The following CSMD1 variants were observed in gnomAD, a reference collection of about 807,000 sequenced individuals.
The protein encoded by CSMD1 is CUB and sushi domain-containing protein 1.
Under a neutral mutation model 417.5 loss-of-function variants are expected in CSMD1, and 213 were observed. The ratio of observed to expected loss-of-function variants is 0.51; its 90% CI spans 0.46 to 0.57. The LOEUF (loss-of-function observed/expected upper bound fraction) is 0.57. Among genes scored for constraint, CSMD1 ranks in the 20% least tolerant of loss-of-function variants. The pLI, the probability that CSMD1 is intolerant of heterozygous loss-of-function variation, is 0.00. For synonymous variants in CSMD1, 2,862 were observed against 1,736.8 expected (o/e 1.65, Z -16.11); for missense variants, 6,923 against 4,529.7 (o/e 1.53, Z -15.17).
chr8:3,797,436 T>C (rs1275649632), intron 5 of CSMD1, among the ~76,000 whole-genome samples: 1 of 151,976 alleles, frequency 6.6e-6, no homozygotes, highest in Admixed American at 6.6e-5. Flanking sequence ...TCAGTTTCCA[T>C]CCCTTCCCTC....
chr8:3,076,847 T>C (rs2129001307), intron 49 of CSMD1, among the ~76,000 whole-genome samples: 1 of 152,284 alleles, frequency 6.6e-6, no homozygotes, highest in Middle Eastern at 3.4e-3. Context: ...TGTTGTCTCA[T>C]ATGGGTATAT....
chr8:4,678,159 C>A (rs1010813731), intron 1 of CSMD1, among the ~76,000 whole-genome samples: 2 of 152,004 alleles, frequency 1.3e-5, no homozygotes, highest in Non-Finnish European at 2.9e-5. Flanking sequence ...TTCTGTAATC[C>A]CAGTGCTTTA....
At chr8:4,006,343 A>C (rs1303258644) in intron 4 of CSMD1, among the ~76,000 whole-genome samples, 1 of 152,224 alleles carries the variant, frequency 6.6e-6, no homozygotes. Flanking sequence ...CAGCAGTTTG[A>C]GGCCAGCCTG....
chr8:3,604,015 T>C, intron 8 of CSMD1, among the ~76,000 whole-genome samples: 1 of 152,232 alleles, frequency 6.6e-6, no homozygotes, highest in East Asian at 1.9e-4. Context: ...ATTGTTGCCT[T>C]ACAACCTGTA....
At chr8:4,731,958 G>A (rs945659029) in intron 1 of CSMD1, among the ~76,000 whole-genome samples, 4 of 152,116 alleles carry the variant, frequency 2.6e-5, no homozygotes, top group Non-Finnish European at 5.9e-5. Context: ...AACAGCAGCA[G>A]TATTAACAAG....
At chr8:3,145,644 A>AATC (rs1459395927) in intron 40 of CSMD1, among the ~76,000 whole-genome samples, 1 of 152,252 alleles carries the variant, frequency 6.6e-6, no homozygotes, top group Admixed American at 6.5e-5. Context: ...GCCCAGCTCT[A>AATC]ATCTGGCTTA....
At chr8:4,397,064 C>G (rs1563130441) in intron 3 of CSMD1, among the ~76,000 whole-genome samples, 2 of 151,956 alleles carry the variant, frequency 1.3e-5, no homozygotes, top group Non-Finnish European at 2.9e-5. Context: ...TTACCCTTCT[C>G]AAATTATGCA....
chr8:3,926,984 G>C (rs1302530388), intron 5 of CSMD1, among the ~76,000 whole-genome samples: 1 of 151,854 alleles, frequency 6.6e-6, no homozygotes, highest in Non-Finnish European at 1.5e-5. Flanking sequence ...AAAGTGCTAG[G>C]ATTACAGGCG....
At chr8:3,524,451 G>A (rs1008921226) in intron 10 of CSMD1, among the ~76,000 whole-genome samples, 2 of 145,284 alleles carry the variant, frequency 1.4e-5, no homozygotes. Context: ...ACGCACACAT[G>A]CACATATGCA....
intron 52 of CSMD1, among the ~76,000 whole-genome samples, chr8:3,009,056 T>C (rs569839103): frequency 6.6e-6 from 1 of 152,208 alleles, no homozygotes; most frequent in Non-Finnish European, 1.5e-5. Flanking sequence ...CCAGTGGGAA[T>C]GTTGCCACAA....
intron 1 of CSMD1, among the ~76,000 whole-genome samples, chr8:4,868,413 T>C (rs1802542123): frequency 6.6e-6 from 1 of 151,994 alleles, no homozygotes; most frequent in African/African-American, 2.4e-5. Flanking sequence ...TTTTGTACTT[T>C]TAGTAGAGAC....
chr8:2,973,388 T>A, intron 56 of CSMD1, 89 bp from the exon 57 acceptor site: 1 of 1,341,870 alleles, frequency 7.5e-7, no homozygotes, highest in Non-Finnish European at 1.0e-6. Flanking sequence ...TGAAAAGTTG[T>A]TGAAATTTGT....
intron 2 of CSMD1, among the ~76,000 whole-genome samples, chr8:4,450,689 G>A (rs1001696068): frequency 6.6e-6 from 1 of 152,166 alleles, no homozygotes; most frequent in Non-Finnish European, 1.5e-5. Context: ...TGTATCCAAT[G>A]TATAACACAT....
chr8:4,712,872 T>A (rs1336921281), intron 1 of CSMD1, among the ~76,000 whole-genome samples: 1 of 152,232 alleles, frequency 6.6e-6, no homozygotes, highest in East Asian at 1.9e-4. Context: ...TTAGTAGACA[T>A]CCATGCCGAT....
intron 2 of CSMD1, among the ~76,000 whole-genome samples, chr8:4,626,203 CT>C (rs1802100996): frequency 6.6e-6 from 1 of 152,122 alleles, no homozygotes; most frequent in East Asian, 1.9e-4. Context: ...CAGTTTTCCT[CT>C]TTTGGCTGAG....
intron 10 of CSMD1, among the ~76,000 whole-genome samples, chr8:3,540,285 C>G (rs1485645737): frequency 6.6e-6 from 1 of 152,166 alleles, no homozygotes; most frequent in Non-Finnish European, 1.5e-5. Context: ...ATTTGGCAAA[C>G]AGAGTTGAAT....
intron 5 of CSMD1, among the ~76,000 whole-genome samples, chr8:3,774,987 G>C (rs902793060): frequency 2.6e-5 from 4 of 152,026 alleles, no homozygotes; most frequent in African/African-American, 9.7e-5. Context: ...GGACACAGGG[G>C]CGATTCCCAC....
intron 12 of CSMD1, among the ~76,000 whole-genome samples, chr8:3,449,929 C>T (rs1234634287): frequency 1.3e-5 from 2 of 152,214 alleles, no homozygotes; most frequent in African/African-American, 4.8e-5. Flanking sequence ...AAAACTATTG[C>T]TCCAGTCTTA....
chr8:4,291,175 T>C (rs1016199345), intron 3 of CSMD1, among the ~76,000 whole-genome samples: 1 of 152,112 alleles, frequency 6.6e-6, no homozygotes, highest in African/African-American at 2.4e-5. Context: ...CTCTTTAGTG[T>C]TGCATAATTA....
Sources: gnomAD v4.1 joint callset for allele counts (sites outside exome capture counted in the v4.1 genomes callset) on GRCh38, gnomAD v4.1.1 for gene constraint, MANE v1.5 for transcripts, NCBI Gene and HGNC (gene_info 2026-07-23, HGNC 2026-07-21) for gene names.